Variants in HNRNPU observed in about 807,000 individuals in gnomAD.
The protein encoded by HNRNPU is heterogeneous nuclear ribonucleoprotein U.
Under a neutral mutation model 94.7 loss-of-function variants are expected in HNRNPU, and 5 were observed. That is an observed-to-expected ratio of 0.05 (90% CI 0.03 to 0.11). The LOEUF (loss-of-function observed/expected upper bound fraction) is 0.11. HNRNPU is among the 10% of genes least tolerant of loss of function. The pLI is 1.00. For missense variants in HNRNPU, 710 were observed against 1,049.2 expected, an observed-to-expected ratio of 0.68 and a Z score of 4.47; for synonymous variants, 434 against 381.6, an observed-to-expected ratio of 1.14 and a Z score of -1.60.
chr1:244,857,756 G>C lies in HNRNPU; in HGVS notation c.1495-39C>G, dbSNP rs1486324955. 1.9e-6 allele frequency: 3 copies of C among 1,600,080 alleles called. No individual in the cohort carries two copies. The Admixed American group carries it at 5.3e-5, about 28-fold the overall frequency. On this transcript the variant is annotated intron_variant, in intron 7 of 13. Coordinates refer to ENST00000640218, the MANE Select transcript of HNRNPU (RefSeq NM_031844.3). ...AAGAAATGTCATTTCACTGTCAGTA[G>C]ACACCACCTAATAATTCTTTAAATA...
At chr1:244,857,491 T>G in intron 8 of HNRNPU, 107 bp downstream of exon 8, 2 of 1,132,532 alleles carry the variant, frequency 1.8e-6, no homozygotes, top group Non-Finnish European at 2.5e-6. Flanking sequence ...AGGTGATCCA[T>G]CCACCTCAGC....
chr1:244,854,922 A>C, intron 13 of HNRNPU, 51 bp downstream of exon 13: 1 of 1,341,398 alleles, frequency 7.5e-7, no homozygotes, highest in Non-Finnish European at 1.1e-6. Flanking sequence ...GATAAATCTT[A>C]GGAACTCAAA....
intron 3 of HNRNPU, 132 bp from the exon 4 acceptor site, chr1:244,860,606 T>G: frequency 1.5e-6 from 1 of 672,678 alleles, no homozygotes; most frequent in Non-Finnish European, 2.5e-6. Context: ...CATCATGCTG[T>G]TGTTCCAATT....
Position 244,853,319 on chromosome 1 carries a change from T to TA in HNRNPU, c.*1130dup, listed in dbSNP as rs1474339236. 6.6e-6 allele frequency: 1 copy of TA among 152,578 alleles called. No homozygotes were observed. The highest frequency in any genetic ancestry group is 1.5e-5 in the Non-Finnish European group (1 of 67,982). The allele number at this position is 152,578 out of a possible 1,614,324, so 9.5% of individuals were successfully genotyped here. A position where few individuals can be genotyped will look rare whatever the true frequency, so the allele number is the denominator to read the frequency against. ...AGCTGTCCAGAAAGCACACACTTAA[T>TA]AAATTTCTCCTCTTGGGAGTTATAT... On this transcript the variant is annotated 3_prime_UTR_variant, in exon 14 of 14. Transcript: ENST00000640218.
rs1680950321 is a variant in HNRNPU at position 244,864,525 on chromosome 1, G to A, written c.-218C>T. The A allele has an allele frequency of 2.8e-6, 2 of 706,194 alleles. No individual in the cohort carries two copies. Among genetic ancestry groups the A allele is most frequent in the Non-Finnish European group, 4.4e-6 (2 of 459,428 alleles). 43.7% of individuals were successfully genotyped at this position (706,194 alleles called of 1,614,324 possible). Reference sequence around the variant, plus strand: ...AGACGCGGAGACTCGCCTGGCGCGAGCGAGCACGCAACGTCCTCTCGCAGG... The same window carrying A: ...AGACGCGGAGACTCGCCTGGCGCGAACGAGCACGCAACGTCCTCTCGCAGG... On this transcript the variant is annotated 5_prime_UTR_variant, in exon 1 of 14. Transcript: ENST00000640218.
chr1:244,863,069 C>G, intron 1 of HNRNPU: 3 of 289,164 alleles, frequency 1.0e-5, no homozygotes, highest in Non-Finnish European at 1.9e-5. Context: ...CCCGCGGGCC[C>G]GCGCTCCCCG....
At chr1:244,862,414 A>AAAAAAAAAACC in intron 3 of HNRNPU, 47 bp downstream of exon 3, 1 of 1,298,126 alleles carries the variant, frequency 7.7e-7, no homozygotes, top group Non-Finnish European at 1.1e-6. Context: ...AAAAAAAAAA[A>AAAAAAAAAACC]CCACCATCAC....
At chr1:244,861,734 T>A (rs1201630182) in intron 3 of HNRNPU, 1 of 116,480 alleles carries the variant, frequency 8.6e-6, no homozygotes, top group Non-Finnish European at 1.7e-5. Flanking sequence ...AACTACGTTT[T>A]TTTGTAACAA....
chr1:244,854,857 A>G lies in HNRNPU; in HGVS notation c.2424+116T>C, dbSNP rs917994967. On this transcript the variant is annotated intron_variant, in intron 13 of 13. Coordinates refer to ENST00000640218, the MANE Select transcript of HNRNPU (RefSeq NM_031844.3). The stretch of plus-strand genomic sequence containing the variant: ...ACTACTGCAAGACGATTCACACTTT[A>G]CCCTATTAACACTTATAAACACTTC... 5 of 849,070 alleles carry G rather than the reference A, an allele frequency of 5.9e-6. No homozygotes were observed. The African/African-American group carries it at 8.4e-5, about 14-fold the overall frequency. 52.6% of individuals were successfully genotyped at this position (849,070 alleles called of 1,614,324 possible). A position where few individuals can be genotyped will look rare whatever the true frequency, so the allele number is the denominator to read the frequency against.
chr1:244,863,230 C>A, intron 1 of HNRNPU: 1 of 181,806 alleles, frequency 5.5e-6, no homozygotes. Context: ...GGGGCCTCTC[C>A]CCTCCCCCCG....
intron 1 of HNRNPU, 77 bp downstream of exon 1, chr1:244,863,540 G>C: frequency 7.9e-7 from 1 of 1,271,568 alleles, no homozygotes; most frequent in Non-Finnish European, 9.8e-7. Context: ...CCCCCTGCGG[G>C]GCTCCGGCAG....
chr1:244,863,416 A>G lies in HNRNPU; in HGVS notation c.691+201T>C, dbSNP rs1435647073. The stretch of plus-strand genomic sequence containing the variant: ...CGCCGACACACACACACACACACAC[A>G]CACACGCGCGCGCGCACACACACGC... On this transcript the variant is annotated intron_variant, in intron 1 of 13. Transcript: ENST00000640218. 1.2e-3 allele frequency among the ~76,000 whole-genome samples: 172 copies of G among 143,276 alleles called. 1 individual carries two copies. Among genetic ancestry groups the G allele is most frequent in the African/African-American group, 3.3e-3 (126 of 37,944 alleles). 94.0% of individuals were successfully genotyped at this position (143,276 alleles called of 152,430 possible). A position where few individuals can be genotyped will look rare whatever the true frequency, so the allele number is the denominator to read the frequency against.
rs868735439 is a variant in HNRNPU at position 244,856,474 on chromosome 1, G to A, written c.1895C>T (p.Ala632Val). ...TTCCATGCCTTTCATTTTGAGGACC[G>A]CATGTTCTGGTAGGTCTTTCCCCTC... Reference protein sequence around the residue: ...EVEGKDLPEHAVLKMKGNFTL... With the variant: ...EVEGKDLPEHVVLKMKGNFTL... The change falls in exon 10 of 14, where the codon GCG becomes GTG. Residue 632 changes from alanine (A) to valine (V), a missense_variant. This residue lies in a region of HNRNPU where 31 missense variants were observed against 132.4 expected (regional missense o/e 0.23). Transcript: ENST00000640218. 2.5e-6 allele frequency: 4 copies of A among 1,610,914 alleles called. No homozygotes were observed. Among genetic ancestry groups the A allele is most frequent in the Non-Finnish European group, 2.5e-6 (3 of 1,178,912 alleles).
At position 244,857,676 on chromosome 1, in the gene HNRNPU, G is replaced by C. The variant is rs552747149; in HGVS notation, c.1536C>G (p.Thr512=). 2 of 1,613,730 alleles carry C rather than the reference G, an allele frequency of 1.2e-6. No homozygotes were observed. The highest frequency in any genetic ancestry group is 1.7e-6 in the Non-Finnish European group (2 of 1,179,700). The change falls in exon 8 of 14, where the codon ACC becomes ACG. Residue 512 remains threonine (T), a synonymous_variant. Coordinates refer to ENST00000640218, the MANE Select transcript of HNRNPU (RefSeq NM_031844.3). ...MIGLPGAGKT[T]WVTKHAAENP... ...TTTCTGCTGCATGTTTAGTAACCCA[G>C]GTAGTTTTTCCAGCTCCTGGCAAGC...
rs1680927779 is a variant in HNRNPU at position 244,863,912 on chromosome 1, G to T, written c.396C>A (p.Asn132Lys). Residue 132 changes from asparagine (N) to lysine (K), a missense_variant, in exon 1 of 14, where the codon AAC (asparagine) becomes AAA (lysine). By Grantham distance (94) the Asn-to-Lys change is moderately conservative (BLOSUM62 0). Around this residue, in one of 8 missense-constraint regions of HNRNPU, gnomAD observed 292 missense variants for 293.4 expected, o/e 1.00. Coordinates refer to ENST00000640218, the MANE Select transcript of HNRNPU (RefSeq NM_031844.3). ...CTTCCTGGAAACCCTGATCGTCGCC[G>T]TTCTCGTCTTCCGAGGCGGCCTCCT... The part of the protein sequence containing the change: ...EEEEAASEDE[N>K]GDDQGFQEGE... 1 of 1,613,868 alleles carries T rather than the reference G, an allele frequency of 6.2e-7. No homozygotes were observed. The highest frequency in any genetic ancestry group is 8.5e-7 in the Non-Finnish European group (1 of 1,179,932).
At position 244,858,072 on chromosome 1, in the gene HNRNPU, T is replaced by A. The variant is rs745596089; in HGVS notation, c.1433A>T (p.Asn478Ile). The change falls in exon 7 of 14, where the codon AAC becomes ATC. Residue 478 changes from asparagine to isoleucine, a missense_variant. Asn to Ile is a moderately radical substitution (Grantham distance 149). Around this residue, in one of 8 missense-constraint regions of HNRNPU, gnomAD observed 150 missense variants for 187.9 expected, o/e 0.80. Transcript: ENST00000640218. ...PIPEEYTFIQ[N>I]VPLEDRVRGP... The stretch of plus-strand genomic sequence containing the variant: ...TCTAACTCGATCCTCTAAGGGGACG[T>A]TCTGGATGAAAGTATACTCTTCAGG... 6.2e-7 allele frequency: 1 copy of A among 1,614,096 alleles called. No homozygotes were observed. The highest frequency in any genetic ancestry group is 8.5e-7 in the Non-Finnish European group (1 of 1,179,970).
At chr1:244,863,249 G>A (rs1680895069) in intron 1 of HNRNPU, 1 of 191,922 alleles carries the variant, frequency 5.2e-6, no homozygotes, top group Non-Finnish European at 1.0e-5. Flanking sequence ...CGAGACATGT[G>A]CCCGCACCGC....
In HNRNPU at chr1:244,859,167, AATAG is replaced by A. The variant is rs1482377652; in HGVS notation, c.1117+104_1117+107del. 10 of 645,668 alleles carry A rather than the reference AATAG, an allele frequency of 1.5e-5. No individual in the cohort carries two copies. In the African/African-American group the frequency reaches 1.6e-4, roughly 11 times the overall value. The allele number at this position is 645,668 out of a possible 1,614,324, so 40.0% of individuals were successfully genotyped here. A position where few individuals can be genotyped will look rare whatever the true frequency, so the allele number is the denominator to read the frequency against. On this transcript the variant is annotated intron_variant, in intron 5 of 13. Coordinates refer to ENST00000640218, the MANE Select transcript of HNRNPU (RefSeq NM_031844.3). ...TATTACCTGTCTGAAGTATTAACAG[AATAG>A]ATAAAAACAGACAAAAGGCTTAGAA...
intron 1 of HNRNPU, among the ~76,000 whole-genome samples, chr1:244,863,304 TCCCGCCGCCCG>T (rs1355469425): frequency 7.4e-6 from 1 of 135,696 alleles, no homozygotes; most frequent in African/African-American, 2.9e-5. Context: ...CCGGGCTCCC[TCCCGCCGCCCG>T]CCCGCGGCTC....
Sources: gnomAD v4.1 joint callset for allele counts (sites outside exome capture counted in the v4.1 genomes callset) on GRCh38, gnomAD v4.1.1 for gene constraint, gnomAD v4.1.1 regional missense constraint, MANE v1.5 for transcripts, NCBI Gene and HGNC (gene_info 2026-07-23, HGNC 2026-07-21) for gene names.